MMP26: variants seen among roughly 807,000 people sequenced by gnomAD.
MMP26 encodes the protein matrix metalloproteinase-26.
A neutral mutation model predicts 31.0 loss-of-function variants in MMP26; 33 were observed. That is an observed-to-expected ratio of 1.06 (90% confidence interval 0.81 to 1.42). MMP26 has a LOEUF of 1.42. MMP26 is among the 40% of genes most tolerant of loss of function. The pLI, the probability that MMP26 is intolerant of heterozygous loss-of-function variation, is 0.00. For missense variants in MMP26, 347 were observed against 316.1 expected (o/e 1.10, Z -0.74); for synonymous variants, 122 against 114.9 (o/e 1.06, Z -0.40).
At chr11:4,814,361 GA>G (rs1440897656) in intron 2 of MMP26, among the ~76,000 whole-genome samples, 1 of 151,890 alleles carries the variant, frequency 6.6e-6, no homozygotes, top group Non-Finnish European at 1.5e-5. Context: ...GTCAATCAAA[GA>G]TTAAACAAAA....
rs528171694 is a variant in MMP26, at chr11:4,729,518, C to T, written c.-217+24473C>T. ...CACCTTCAGACTTAACTAGTTTCTC[C>T]CATGGGCCAAACCCAACTAGAATAC... On this transcript the variant is annotated intron_variant, in intron 1 of 7. Coordinates refer to ENST00000380390, the MANE Select transcript of MMP26 (RefSeq NM_021801.5). Among the ~76,000 whole-genome samples the T allele has an allele frequency of 1.1e-4, 17 of 152,218 alleles. No individual in the cohort carries two copies. The South Asian group carries it at 1.2e-3, about 11-fold the overall frequency.
chr11:4,776,398 A>G (rs917896570), intron 2 of MMP26, among the ~76,000 whole-genome samples: 2 of 152,064 alleles, frequency 1.3e-5, no homozygotes, highest in Non-Finnish European at 2.9e-5. Context: ...TTGTACTTGT[A>G]TTCCCACCAA....
At chr11:4,921,845 TG>T (rs1028458028) in intron 2 of MMP26, among the ~76,000 whole-genome samples, 16 of 152,214 alleles carry the variant, frequency 1.1e-4, no homozygotes, top group Admixed American at 3.3e-4. Context: ...TAAAAGTTAT[TG>T]CTTTTAAAAA....
chr11:4,907,902 A>G, intron 2 of MMP26: 10 of 1,614,066 alleles, frequency 6.2e-6, no homozygotes, highest in Non-Finnish European at 8.5e-6. Flanking sequence ...TCTCACTCAT[A>G]CTGTCTTCAT....
intron 2 of MMP26, among the ~76,000 whole-genome samples, chr11:4,888,682 G>C (rs776184699): frequency 2.6e-5 from 4 of 152,166 alleles, no homozygotes; most frequent in Non-Finnish European, 4.4e-5. Context: ...TTATGAGATA[G>C]TTTATTGCCA....
rs1372544958 is a variant in MMP26 at position 4,948,225 on chromosome 11, T to G, written c.-144-39843T>G. On this transcript the variant is annotated intron_variant, in intron 2 of 7. Coordinates refer to ENST00000380390, the MANE Select transcript of MMP26 (RefSeq NM_021801.5). The stretch of plus-strand genomic sequence containing the variant: ...AGCCAAAAATCTGAGCTTCTTTGTC[T>G]TACACACAATAATGACCAATATTTC... 1.0e-4 allele frequency among the ~76,000 whole-genome samples: 13 copies of G among 125,566 alleles called. 3 individuals are homozygous for G. The highest frequency in any genetic ancestry group is 3.5e-4 in the African/African-American group (13 of 36,998). The allele number at this position is 125,566 out of a possible 152,430, so 82.4% of individuals were successfully genotyped here.
At chr11:4,769,661 A>T in intron 2 of MMP26, 1 of 1,613,080 alleles carries the variant, frequency 6.2e-7, no homozygotes, top group Non-Finnish European at 8.5e-7. Flanking sequence ...AAACCAGAGG[A>T]TACCTAATGT....
At chr11:4,933,746 CCA>C (rs1417075051) in intron 2 of MMP26, among the ~76,000 whole-genome samples, 1 of 141,208 alleles carries the variant, frequency 7.1e-6, no homozygotes, top group East Asian at 2.1e-4. Context: ...ACCACAGTCC[CCA>C]GAGTGTGATA....
intron 2 of MMP26, among the ~76,000 whole-genome samples, chr11:4,776,280 T>C (rs1176542024): frequency 6.6e-6 from 1 of 152,202 alleles, no homozygotes; most frequent in Non-Finnish European, 1.5e-5. Context: ...CTTTTTTATA[T>C]ACTAATTTCT....
Position 4,886,524 on chromosome 11 carries a change from C to A in MMP26, c.-144-101544C>A, listed in dbSNP as rs75859138. On this transcript the variant is annotated intron_variant, in intron 2 of 7. Transcript: ENST00000380390. ...GTCATTATCTTCTAAATTTTGACCT[C>A]CAATGTTATTCAGATAACTAATTGT... Among the ~76,000 whole-genome samples, 1,480 of 151,936 alleles carry A rather than the reference C, an allele frequency of 9.7e-3. 23 individuals are homozygous for A. The highest frequency in any genetic ancestry group is 0.034 in the African/African-American group (1,413 of 41,462).
rs964109919 is a variant in MMP26 at position 4,946,054 on chromosome 11, C to T, written c.-144-42014C>T. The T allele has an allele frequency of 7.3e-6, 8 of 1,096,116 alleles. No homozygotes were observed. In the African/African-American group the frequency reaches 1.1e-4, roughly 15 times the overall value. 67.9% of individuals were successfully genotyped at this position (1,096,116 alleles called of 1,614,324 possible). On this transcript the variant is annotated intron_variant, in intron 2 of 7. Coordinates refer to ENST00000380390, the MANE Select transcript of MMP26 (RefSeq NM_021801.5). ...AGTGAATAAAATAACTCTATGACAACAACAAAAATATGTGTTGATAATTCT... is the reference window on the plus strand; with the variant it reads ...AGTGAATAAAATAACTCTATGACAATAACAAAAATATGTGTTGATAATTCT...
chr11:4,862,925 G>T (rs1448654989), intron 2 of MMP26, among the ~76,000 whole-genome samples: 1 of 152,062 alleles, frequency 6.6e-6, no homozygotes, highest in African/African-American at 2.4e-5. Flanking sequence ...CTAACCTTCT[G>T]CCTGCACTCT....
intron 2 of MMP26, chr11:4,943,061 A>C (rs1846238717): frequency 6.3e-6 from 1 of 157,778 alleles, no homozygotes; most frequent in Non-Finnish European, 1.4e-5. Flanking sequence ...CACCTAATTC[A>C]CATATTCTCT....
In MMP26 at chr11:4,959,170, G is replaced by A. The variant is rs1271366923; in HGVS notation, c.-144-28898G>A. ...GGAGAACGGCGTGAATACGGGAGGC[G>A]GAGCTTGCAGTGAGCTGAGATCTCG... On this transcript the variant is annotated intron_variant, in intron 2 of 7. Coordinates refer to ENST00000380390, the MANE Select transcript of MMP26 (RefSeq NM_021801.5). 6.0e-5 allele frequency among the ~76,000 whole-genome samples: 9 copies of A among 150,990 alleles called. No individual in the cohort carries two copies. The East Asian group carries it at 1.2e-3, about 20-fold the overall frequency.
chr11:4,727,931 A>C (rs1489777289), intron 1 of MMP26, among the ~76,000 whole-genome samples: 2 of 152,242 alleles, frequency 1.3e-5, no homozygotes, highest in Non-Finnish European at 2.9e-5. Flanking sequence ...AAAATATTTA[A>C]GTAAAAATGT....
intron 2 of MMP26, among the ~76,000 whole-genome samples, chr11:4,962,616 C>T (rs1007221135): frequency 3.9e-5 from 6 of 152,090 alleles, no homozygotes; most frequent in Non-Finnish European, 4.4e-5. Flanking sequence ...AAAATGTTAC[C>T]TAAAAGCCAG....
chr11:4,775,556 G>T (rs1372073059), intron 2 of MMP26, among the ~76,000 whole-genome samples: 3 of 152,054 alleles, frequency 2.0e-5, no homozygotes, highest in Non-Finnish European at 4.4e-5. Context: ...TCCTGTAAAA[G>T]AATACCTGAG....
chr11:4,796,303 A>G (rs1227364483), intron 2 of MMP26, among the ~76,000 whole-genome samples: 1 of 152,232 alleles, frequency 6.6e-6, no homozygotes, highest in Non-Finnish European at 1.5e-5. Context: ...ACAATACAGA[A>G]TAAACATTAC....
intron 2 of MMP26, chr11:4,908,168 A>G: frequency 6.2e-7 from 1 of 1,614,210 alleles, no homozygotes; most frequent in Non-Finnish European, 8.5e-7. Flanking sequence ...TGCCAAGCAC[A>G]AAAGCCCTCT....
Sources: gnomAD v4.1 joint callset for allele counts (sites outside exome capture counted in the v4.1 genomes callset) on GRCh38, gnomAD v4.1.1 for gene constraint, MANE v1.5 for transcripts, NCBI Gene and HGNC (gene_info 2026-07-23, HGNC 2026-07-21) for gene names.